PRKN: variants seen among roughly 807,000 people sequenced by gnomAD.
PRKN encodes the protein E3 ubiquitin-protein ligase parkin.
A neutral mutation model predicts 59.5 loss-of-function variants in PRKN; 56 were observed. That is an observed-to-expected ratio of 0.94 (90% CI 0.76 to 1.18). The LOEUF (loss-of-function observed/expected upper bound fraction) is 1.18, where lower values mean the gene tolerates loss of function less well. PRKN is among the 50% of genes most tolerant of loss of function. PRKN has a pLI of 0.00. For synonymous variants in PRKN, 250 were observed against 222.1 expected (o/e 1.13, Z -1.12); for missense variants, 657 against 596.4 (o/e 1.10, Z -1.06).
At chr6:162,004,824 T>C (rs1782187767) in intron 5 of PRKN, among the ~76,000 whole-genome samples, 1 of 152,196 alleles carries the variant, frequency 6.6e-6, no homozygotes, top group East Asian at 1.9e-4. Flanking sequence ...CAGGCTCACA[T>C]ATGATTACGA....
intron 2 of PRKN, among the ~76,000 whole-genome samples, chr6:162,375,406 T>C (rs79015798): frequency 7.2e-6 from 1 of 139,218 alleles, no homozygotes; most frequent in African/African-American, 2.7e-5. Context: ...TCAACTCCTG[T>C]TTTTTTTTTT....
At chr6:162,710,032 T>C (rs1778471861) in intron 1 of PRKN, among the ~76,000 whole-genome samples, 1 of 152,100 alleles carries the variant, frequency 6.6e-6, no homozygotes, top group African/African-American at 2.4e-5. Flanking sequence ...TGGGGTGTTA[T>C]CATGACAAGG....
intron 4 of PRKN, among the ~76,000 whole-genome samples, chr6:162,123,629 T>G (rs985470854): frequency 6.6e-6 from 1 of 152,174 alleles, no homozygotes; most frequent in Non-Finnish European, 1.5e-5. Context: ...GGTTGGAAAT[T>G]GTGTCTTCCA....
At chr6:161,680,775 A>ATTT (rs869253616) in intron 7 of PRKN, among the ~76,000 whole-genome samples, 376 of 30,496 alleles carry the variant, frequency 0.012, 18 homozygotes, top group Middle Eastern at 0.033. Context: ...ATATATATAT[A>ATTT]TTTTTTTTTT....
chr6:161,577,759 T>G (rs1421325759), intron 7 of PRKN, among the ~76,000 whole-genome samples: 1 of 152,096 alleles, frequency 6.6e-6, no homozygotes, highest in Non-Finnish European at 1.5e-5. Flanking sequence ...TATTTTCTGG[T>G]TTTTTGCAGC....
At chr6:161,917,893 C>A (rs1778632791) in intron 6 of PRKN, among the ~76,000 whole-genome samples, 2 of 152,132 alleles carry the variant, frequency 1.3e-5, no homozygotes, top group South Asian at 4.1e-4. Flanking sequence ...TCATGTCACC[C>A]TTGGAAGAAA....
In PRKN at chr6:161,771,175, T is replaced by G. The variant is rs188953072; in HGVS notation, c.871+14597A>C. Among the ~76,000 whole-genome samples the G allele has an allele frequency of 8.1e-3, 1,232 of 151,406 alleles. 17 individuals are homozygous for G. Among genetic ancestry groups the G allele is most frequent in the African/African-American group, 0.029 (1,185 of 41,264 alleles). ...ATCGAGACCATCCTGGCTAACACGG[T>G]GAAACCCTGTCTCTACTAAAAATAT... On this transcript the variant is annotated intron_variant, in intron 7 of 11. Coordinates refer to ENST00000366898, the MANE Select transcript of PRKN (RefSeq NM_004562.3).
chr6:162,439,892 C>T (rs139599184), intron 2 of PRKN, among the ~76,000 whole-genome samples: 140 of 152,126 alleles, frequency 9.2e-4, no homozygotes, highest in African/African-American at 3.1e-3. Flanking sequence ...TAAGGCTTCC[C>T]GTCAATAGCA....
intron 6 of PRKN, among the ~76,000 whole-genome samples, chr6:161,850,251 T>A (rs1412840679): frequency 6.6e-6 from 1 of 152,178 alleles, no homozygotes; most frequent in Non-Finnish European, 1.5e-5. Context: ...GTCCTCCATA[T>A]TTAATGAACC....
intron 4 of PRKN, among the ~76,000 whole-genome samples, chr6:162,123,524 T>A (rs1781005225): frequency 6.6e-6 from 1 of 152,218 alleles, no homozygotes; most frequent in Non-Finnish European, 1.5e-5. Flanking sequence ...TGGTTAACTT[T>A]ATCATTTAAG....
chr6:162,292,550 C>T (rs1042209730), intron 2 of PRKN, among the ~76,000 whole-genome samples: 3 of 152,176 alleles, frequency 2.0e-5, no homozygotes, highest in African/African-American at 7.2e-5. Context: ...CTACAGCAGC[C>T]ACAATGGTCC....
chr6:161,844,007 C>G (rs189516438), intron 6 of PRKN, among the ~76,000 whole-genome samples: 1 of 151,996 alleles, frequency 6.6e-6, no homozygotes, highest in East Asian at 1.9e-4. Context: ...TTTCTGCCTA[C>G]GTGAAGATGC....
chr6:161,426,875 C>T (rs9458247), intron 9 of PRKN, among the ~76,000 whole-genome samples: 20,857 of 151,800 alleles, frequency 0.14, 1,512 homozygotes, highest in Middle Eastern at 0.19. Flanking sequence ...CCTGCCACCA[C>T]GCCTGGCTAA....
intron 5 of PRKN, among the ~76,000 whole-genome samples, chr6:162,013,746 T>C (rs900529841): frequency 9.9e-5 from 15 of 152,166 alleles, no homozygotes; most frequent in African/African-American, 2.9e-4. Context: ...ACAGGAGTTA[T>C]AGAAATGACA....
At chr6:161,925,924 G>T (rs6901122) in intron 6 of PRKN, among the ~76,000 whole-genome samples, 15 of 151,904 alleles carry the variant, frequency 9.9e-5, no homozygotes, top group African/African-American at 3.4e-4. Flanking sequence ...TATATGTCTC[G>T]TCTCCTCCCC....
chr6:162,509,542 A>C (rs1382294249), intron 1 of PRKN, among the ~76,000 whole-genome samples: 1 of 152,230 alleles, frequency 6.6e-6, no homozygotes, highest in African/African-American at 2.4e-5. Flanking sequence ...CATAATTCAT[A>C]GATTTTTCCC....
At chr6:161,646,479 G>T (rs1783953566) in intron 7 of PRKN, among the ~76,000 whole-genome samples, 1 of 120,702 alleles carries the variant, frequency 8.3e-6, no homozygotes, top group Non-Finnish European at 1.9e-5. Flanking sequence ...AGTGGTGACT[G>T]CGTGTGCATG....
intron 2 of PRKN, among the ~76,000 whole-genome samples, chr6:162,364,564 G>A (rs1361593785): frequency 6.6e-6 from 1 of 152,194 alleles, no homozygotes; most frequent in East Asian, 1.9e-4. Context: ...CATCAAAGAA[G>A]GTTCTCAAAA....
Position 162,163,386 on chromosome 6 carries a change from A to C in PRKN, c.534+37745T>G, listed in dbSNP as rs1297327282. On this transcript the variant is annotated intron_variant, in intron 4 of 11. Transcript: ENST00000366898. Reference sequence around the variant, plus strand: ...TTACAAAGCCTGTAGTATTAATAGAAGCTTCTAATCTGTATAGCATGCTGC... The same window carrying C: ...TTACAAAGCCTGTAGTATTAATAGACGCTTCTAATCTGTATAGCATGCTGC... Among the ~76,000 whole-genome samples, 2 of 149,610 alleles carry C rather than the reference A, an allele frequency of 1.3e-5. 1 individual carries two copies. The highest frequency in any genetic ancestry group is 5.0e-5 in the African/African-American group (2 of 39,898).
Sources: allele counts gnomAD v4.1 joint callset (sites outside exome capture counted in the v4.1 genomes callset), GRCh38; gene constraint gnomAD v4.1.1; transcripts MANE v1.5; gene names NCBI Gene and HGNC (gene_info 2026-07-23, HGNC 2026-07-21).